Variants in CMIP observed in about 807,000 individuals in gnomAD.
CMIP encodes C-Maf-inducing protein.
CMIP carries 13 observed loss-of-function variants against 97.3 expected under a neutral mutation model. The ratio of observed to expected loss-of-function variants is 0.13; its 90% confidence interval spans 0.09 to 0.21. The LOEUF (loss-of-function observed/expected upper bound fraction) is 0.21, where lower values mean the gene tolerates loss of function less well. Ranked by LOEUF, CMIP falls within the 10% of genes least tolerant of loss-of-function variation. CMIP has a pLI of 1.00. For synonymous variants in CMIP, 538 were observed against 436.3 expected, an observed-to-expected ratio of 1.23 and a Z score of -2.91; for missense variants, 847 against 1,024.9, an observed-to-expected ratio of 0.83 and a Z score of 2.37.
intron 3 of CMIP, among the ~76,000 whole-genome samples, chr16:81,643,114 A>G (rs2092325320): frequency 6.6e-6 from 1 of 152,200 alleles, no homozygotes; most frequent in African/African-American, 2.4e-5. Context: ...AAGCTATGTG[A>G]CCTGCGCAAG....
chr16:81,622,720 GCT>G, intron 3 of CMIP, among the ~76,000 whole-genome samples: 1 of 152,308 alleles, frequency 6.6e-6, no homozygotes, highest in Non-Finnish European at 1.5e-5. Flanking sequence ...ATCCCACAAG[GCT>G]CTGTTTTCTG....
At chr16:81,564,568 G>A (rs551974319) in intron 1 of CMIP, among the ~76,000 whole-genome samples, 74 of 152,292 alleles carry the variant, frequency 4.9e-4, no homozygotes, top group Non-Finnish European at 9.1e-4. Context: ...GCCAGCAGCC[G>A]GGAGCCAGGA....
At chr16:81,476,158 C>G (rs1907902693) in intron 1 of CMIP, 1 of 1,125,040 alleles carries the variant, frequency 8.9e-7, no homozygotes, top group South Asian at 1.2e-5. Flanking sequence ...TGCGTTCAAC[C>G]ACTCAGTCTT....
At chr16:81,538,579 AT>A (rs2090390430) in intron 1 of CMIP, among the ~76,000 whole-genome samples, 1 of 152,110 alleles carries the variant, frequency 6.6e-6, no homozygotes, top group African/African-American at 2.4e-5. Context: ...TTTGATTACC[AT>A]TTTATAAGAT....
intron 1 of CMIP, among the ~76,000 whole-genome samples, chr16:81,504,220 G>A (rs2089663119): frequency 6.6e-6 from 1 of 152,142 alleles, no homozygotes; most frequent in Non-Finnish European, 1.5e-5. Context: ...CAAGTACTTG[G>A]GAGGCTGAGG....
At chr16:81,588,536 G>T (rs1033643133) in intron 1 of CMIP, among the ~76,000 whole-genome samples, 2 of 152,176 alleles carry the variant, frequency 1.3e-5, no homozygotes. Flanking sequence ...AGCATTGTCG[G>T]TGTGACAATT....
At chr16:81,687,400 C>T (rs1905529932) in intron 10 of CMIP, among the ~76,000 whole-genome samples, 1 of 152,208 alleles carries the variant, frequency 6.6e-6, no homozygotes, top group Admixed American at 6.5e-5. Context: ...TCTGGGCCCT[C>T]AGAGGTGCCC....
At chr16:81,526,541 G>A (rs555674193) in intron 1 of CMIP, among the ~76,000 whole-genome samples, 34 of 152,338 alleles carry the variant, frequency 2.2e-4, no homozygotes, top group African/African-American at 4.1e-4. Context: ...GATTAATAAA[G>A]AGGGGATCTG....
At chr16:81,593,529 C>T (rs548053253) in intron 1 of CMIP, among the ~76,000 whole-genome samples, 5 of 152,224 alleles carry the variant, frequency 3.3e-5, no homozygotes, top group Admixed American at 6.5e-5. Flanking sequence ...GACTCCAAGC[C>T]GGAGCTTTCC....
At chr16:81,618,332 ACTCTGCC>A (rs1385792346) in intron 2 of CMIP, among the ~76,000 whole-genome samples, 2 of 151,486 alleles carry the variant, frequency 1.3e-5, no homozygotes, top group East Asian at 3.9e-4. Context: ...CTTTAGTCTG[ACTCTGCC>A]CTCCTGCCTC....
chr16:81,617,245 C>T (rs1198014538), intron 2 of CMIP: 1 of 152,232 alleles, frequency 6.6e-6, no homozygotes, highest in African/African-American at 2.4e-5. Context: ...GGGATCTGGC[C>T]ATCCCAAGCA....
At chr16:81,708,690 C>T (rs891841082) in intron 20 of CMIP, among the ~76,000 whole-genome samples, 3 of 152,210 alleles carry the variant, frequency 2.0e-5, no homozygotes, top group Admixed American at 2.0e-4. Context: ...CCAGTCTGGC[C>T]AGACCTTCCC....
chr16:81,516,103 C>G (rs2966097), intron 1 of CMIP, among the ~76,000 whole-genome samples: 1 of 151,998 alleles, frequency 6.6e-6, no homozygotes, highest in Non-Finnish European at 1.5e-5. Context: ...TCTGGGATCT[C>G]CTTCCTTGTG....
rs146507689 is a variant in CMIP, at chr16:81,638,211, C to G, written c.478-13992C>G. On this transcript the variant is annotated intron_variant, in intron 3 of 20. Coordinates refer to ENST00000537098, the MANE Select transcript of CMIP (RefSeq NM_198390.3). Reference sequence around the variant, plus strand: ...ACTCGTCACTGGATTCAGGACCCACCAGATAATCCAGCGTGATCTCCCCAT... The same window carrying G: ...ACTCGTCACTGGATTCAGGACCCACGAGATAATCCAGCGTGATCTCCCCAT... Among the ~76,000 whole-genome samples the G allele has an allele frequency of 7.2e-5, 11 of 152,322 alleles. No individual in the cohort carries two copies. In the East Asian group the frequency reaches 2.1e-3, roughly 29 times the overall value.
intron 3 of CMIP, chr16:81,651,451 AC>A: frequency 2.1e-6 from 2 of 932,406 alleles, no homozygotes; most frequent in Non-Finnish European, 2.6e-6. Context: ...TGTCTTCCTC[AC>A]CAGGTGGATG....
intron 1 of CMIP, among the ~76,000 whole-genome samples, chr16:81,478,085 C>A (rs2150753694): frequency 6.6e-6 from 1 of 152,320 alleles, no homozygotes; most frequent in East Asian, 1.9e-4. Context: ...TTGGCATGGG[C>A]CACGCTAGCC....
intron 6 of CMIP, among the ~76,000 whole-genome samples, chr16:81,663,698 T>C (rs767530499): frequency 6.6e-6 from 1 of 152,174 alleles, no homozygotes; most frequent in Non-Finnish European, 1.5e-5. Flanking sequence ...GTATACGTGC[T>C]ACATTTGTTA....
At chr16:81,705,466 C>G (rs1252902934) in intron 18 of CMIP, 33 bp from the exon 19 acceptor site, 97 of 1,477,046 alleles carry the variant, frequency 6.6e-5, no homozygotes, top group Non-Finnish European at 8.6e-5. Context: ...CAGGAGTGGC[C>G]GGGAGAGGGC....
intron 10 of CMIP, among the ~76,000 whole-genome samples, chr16:81,685,575 T>C (rs1905289958): frequency 6.6e-6 from 1 of 152,072 alleles, no homozygotes; most frequent in African/African-American, 2.4e-5. Flanking sequence ...TTTTTTGAGA[T>C]ACTCTGTCAC....
Sources: gnomAD v4.1 joint callset for allele counts (sites outside exome capture counted in the v4.1 genomes callset) on GRCh38, gnomAD v4.1.1 for gene constraint, MANE v1.5 for transcripts, NCBI Gene and HGNC (gene_info 2026-07-23, HGNC 2026-07-21) for gene names.